Variants in JAM3 observed in about 807,000 individuals in gnomAD.
The protein encoded by JAM3 is junctional adhesion molecule 3.
JAM3 carries 31 observed loss-of-function variants against 39.4 expected under a neutral mutation model. That is an observed-to-expected ratio of 0.79 (90% confidence interval 0.59 to 1.06). JAM3 has a LOEUF of 1.06. Among genes scored for constraint, JAM3 ranks in the 50% least tolerant of loss-of-function variants. The pLI, the probability that JAM3 is intolerant of heterozygous loss-of-function variation, is 0.00. For missense variants in JAM3, 455 were observed against 391.4 expected (o/e 1.16, Z -1.37); for synonymous variants, 182 against 148.7 (o/e 1.22, Z -1.63).
chr11:134,140,422 A>T (rs1025592806), intron 2 of JAM3, among the ~76,000 whole-genome samples: 1 of 152,146 alleles, frequency 6.6e-6, no homozygotes, highest in African/African-American at 2.4e-5. Context: ...GAAATTTCTT[A>T]TATACAAGCA....
At chr11:134,109,045 C>T (rs974422854) in intron 1 of JAM3, among the ~76,000 whole-genome samples, 1 of 152,182 alleles carries the variant, frequency 6.6e-6, no homozygotes, top group African/African-American at 2.4e-5. Context: ...CAACCTCCAC[C>T]TCCCAGGTTC....
At chr11:134,133,130 A>T (rs78516497) in intron 1 of JAM3, among the ~76,000 whole-genome samples, 1 of 152,184 alleles carries the variant, frequency 6.6e-6, no homozygotes, top group African/African-American at 2.4e-5. Flanking sequence ...GAAGTTCTGC[A>T]TGTTGGTTTT....
At chr11:134,124,186 C>T (rs1316714811) in intron 1 of JAM3, 6 of 1,460,110 alleles carry the variant, frequency 4.1e-6, no homozygotes, top group Admixed American at 3.4e-5. Context: ...TCATACGTAG[C>T]ATCACAAACT....
At chr11:134,111,170 GTC>G (rs1156716288) in intron 1 of JAM3, among the ~76,000 whole-genome samples, 1 of 108,476 alleles carries the variant, frequency 9.2e-6, no homozygotes. Context: ...TTGAGATGGA[GTC>G]TCACTCTGTC....
intron 1 of JAM3, among the ~76,000 whole-genome samples, chr11:134,094,075 TGTTCC>T (rs1941928466): frequency 7.4e-6 from 1 of 135,006 alleles, no homozygotes; most frequent in African/African-American, 2.8e-5. Flanking sequence ...TTATTCATCA[TGTTCC>T]ACCTTAAACG....
At chr11:134,130,174 T>G (rs1041701263) in intron 1 of JAM3, among the ~76,000 whole-genome samples, 3 of 152,168 alleles carry the variant, frequency 2.0e-5, no homozygotes, top group African/African-American at 7.2e-5. Flanking sequence ...CCTGAAGCAA[T>G]TAAATCCTGG....
chr11:134,108,404 AAAAG>A (rs1215766923), intron 1 of JAM3, among the ~76,000 whole-genome samples: 2 of 152,084 alleles, frequency 1.3e-5, no homozygotes, highest in East Asian at 1.9e-4. Flanking sequence ...CAACAAAGTG[AAAAG>A]AAAGAATTAT....
intron 1 of JAM3, among the ~76,000 whole-genome samples, chr11:134,084,875 T>C (rs1489326453): frequency 6.6e-6 from 1 of 152,220 alleles, no homozygotes; most frequent in Non-Finnish European, 1.5e-5. Context: ...TACTTCTCTT[T>C]ATGTTGGGTA....
rs372409892 is a variant in JAM3, at chr11:134,149,216, C to G, written c.*35C>G. 47 of 1,613,456 alleles carry G rather than the reference C, an allele frequency of 2.9e-5. No homozygotes were observed. The highest frequency in any genetic ancestry group is 5.0e-5 in the Admixed American group (3 of 60,008). ...TGTGGCTGAGAGCGCACAGAGCGCA[C>G]GTGCACATACCTCTGCTAGAAACTC... On this transcript the variant is annotated 3_prime_UTR_variant, in exon 9 of 9. Transcript: ENST00000299106.
intron 1 of JAM3, among the ~76,000 whole-genome samples, chr11:134,127,850 AAGTG>A (rs1565498733): frequency 1.3e-5 from 2 of 152,224 alleles, no homozygotes; most frequent in African/African-American, 4.8e-5. Context: ...AGAAGAGAGT[AAGTG>A]AGGCTGGTCA....
At chr11:134,126,160 C>T (rs1200354370) in intron 1 of JAM3, among the ~76,000 whole-genome samples, 2 of 152,168 alleles carry the variant, frequency 1.3e-5, no homozygotes, top group Admixed American at 6.5e-5. Context: ...TTGTGGACAA[C>T]TGTCCATAAA....
chr11:134,122,129 G>C (rs1942545312), intron 1 of JAM3, among the ~76,000 whole-genome samples: 1 of 152,138 alleles, frequency 6.6e-6, no homozygotes, highest in South Asian at 2.1e-4. Context: ...TTTGTATTTA[G>C]TTAAAAATCA....
chr11:134,139,996 C>T (rs1942945661), intron 2 of JAM3, 80 bp downstream of exon 2: 2 of 1,115,622 alleles, frequency 1.8e-6, no homozygotes, highest in East Asian at 2.4e-5. Context: ...CAGGACACAT[C>T]TGTCTCTGTA....
rs11223716 is a variant in JAM3, at chr11:134,150,327, T to G, written c.*1146T>G. The G allele has an allele frequency of 0.28, 41,933 of 152,264 alleles. 6,838 individuals carry two copies. The highest frequency in any genetic ancestry group is 0.46 in the East Asian group (2,382 of 5,174). 9.4% of individuals were successfully genotyped at this position (152,264 alleles called of 1,614,324 possible). On this transcript the variant is annotated 3_prime_UTR_variant, in exon 9 of 9. Transcript: ENST00000299106. ...TCTTCCTGAGATGACTAGGACAGTC[T>G]GTACCCAGAGGCCACCCAGAAGCCC...
At chr11:134,096,232 G>A (rs1207861472) in intron 1 of JAM3, among the ~76,000 whole-genome samples, 1 of 152,158 alleles carries the variant, frequency 6.6e-6, no homozygotes, top group African/African-American at 2.4e-5. Context: ...TCCTGCCTCG[G>A]CCTGGGATTA....
At position 134,096,040 on chromosome 11, in the gene JAM3, G is replaced by A. The variant is rs528000327; in HGVS notation, c.76+26881G>A. Among the ~76,000 whole-genome samples, 174 of 152,214 alleles carry A rather than the reference G, an allele frequency of 1.1e-3. 1 individual carries two copies. The highest frequency in any genetic ancestry group is 2.2e-3 in the Non-Finnish European group (147 of 68,012). On this transcript the variant is annotated intron_variant, in intron 1 of 8. Transcript: ENST00000299106. ...CACCCAGGCTAGAGTGCAGTAGTGC[G>A]ATCTTGGCCCATTGCAACCTCCACC...
chr11:134,116,776 A>C (rs1038691367), intron 1 of JAM3, among the ~76,000 whole-genome samples: 1 of 151,972 alleles, frequency 6.6e-6, no homozygotes, highest in African/African-American at 2.4e-5. Flanking sequence ...ACATGTATTT[A>C]TATCCACGTA....
intron 3 of JAM3, among the ~76,000 whole-genome samples, chr11:134,141,810 T>A (rs1018740324): frequency 3.9e-5 from 6 of 152,020 alleles, no homozygotes; most frequent in African/African-American, 1.4e-4. Context: ...GGCATCCTTT[T>A]TCTGACAGGA....
chr11:134,089,647 T>C (rs1186081085), intron 1 of JAM3, among the ~76,000 whole-genome samples: 1 of 152,220 alleles, frequency 6.6e-6, no homozygotes, highest in Non-Finnish European at 1.5e-5. Flanking sequence ...CTCATCATTT[T>C]TTATGGCTGC....
Sources: allele counts gnomAD v4.1 joint callset (sites outside exome capture counted in the v4.1 genomes callset), GRCh38; gene constraint gnomAD v4.1.1; transcripts MANE v1.5; gene names NCBI Gene and HGNC (gene_info 2026-07-23, HGNC 2026-07-21).